DEGS2: variants seen among roughly 807,000 people sequenced by gnomAD.
DEGS2 encodes sphingolipid delta(4)-desaturase/C4-monooxygenase DES2.
Under a neutral mutation model 23.8 loss-of-function variants are expected in DEGS2, and 19 were observed. The ratio of observed to expected loss-of-function variants is 0.80; its 90% CI spans 0.56 to 1.17. The LOEUF (loss-of-function observed/expected upper bound fraction) is 1.17. Among genes scored for constraint, DEGS2 ranks in the 50% most tolerant of loss-of-function variants. The probability of loss-of-function intolerance (pLI) is 0.00; values close to 1 mark genes in which losing one functional copy is unlikely to be tolerated. For missense variants in DEGS2, 390 were observed against 459.5 expected (o/e 0.85, Z 1.38); for synonymous variants, 218 against 213.7 (o/e 1.02, Z -0.18).
chr14:100,151,962 G>A lies in DEGS2; in HGVS notation c.83-2252C>T, dbSNP rs554863260. On this transcript the variant is annotated intron_variant, in intron 1 of 2. Transcript: ENST00000305631. ...GGAACACTCGGGACCACGCCATGCA[G>A]ACTGGATGTGCAGGAGAGGGTCGTG... Among the ~76,000 whole-genome samples, 179 of 152,306 alleles carry A rather than the reference G, an allele frequency of 1.2e-3. 4 individuals are homozygous for A. Among genetic ancestry groups the A allele is most frequent in the Non-Finnish European group, 2.5e-4 (17 of 68,026 alleles).
Position 100,149,226 on chromosome 14 carries a change from G to A in DEGS2, c.567C>T (p.Asn189=). Residue 189 remains asparagine (N), a synonymous_variant, in exon 2 of 3, where the codon AAC becomes AAT. Transcript: ENST00000305631. ...GGTCGGCCGCCAGCTGCACCAGCGT[G>A]TTGAGCACCTCCATGCGGGTCACGG... is the stretch of plus-strand genomic sequence containing the variant. The part of the protein sequence containing the change: ...PKAVTRMEVL[N]TLVQLAADLA... 1.2e-6 allele frequency: 2 copies of A among 1,612,716 alleles called. No homozygotes were observed. Among genetic ancestry groups the A allele is most frequent in the Non-Finnish European group, 1.7e-6 (2 of 1,179,852 alleles).
At chr14:100,150,822 C>T (rs1889558138) in intron 1 of DEGS2, among the ~76,000 whole-genome samples, 1 of 151,744 alleles carries the variant, frequency 6.6e-6, no homozygotes, top group African/African-American at 2.4e-5. Context: ...CACTGTGGAC[C>T]ACTGGAGAGA....
Position 100,149,244 on chromosome 14 carries a change from G to A in DEGS2, c.549C>T (p.Thr183=). 1 of 1,612,878 alleles carries A rather than the reference G, an allele frequency of 6.2e-7. No homozygotes were observed. The highest frequency in any genetic ancestry group is 8.5e-7 in the Non-Finnish European group (1 of 1,179,918). The stretch of plus-strand genomic sequence containing the variant: ...CCAGCGTGTTGAGCACCTCCATGCG[G>A]GTCACGGCCTTGGGGTGGACGCAGA... ...RPLCVHPKAV[T]RMEVLNTLVQ... Residue 183 remains threonine, a synonymous_variant, in exon 2 of 3, where the codon ACC becomes ACT. Coordinates refer to ENST00000305631, the MANE Select transcript of DEGS2 (RefSeq NM_206918.3).
chr14:100,152,370 A>G (rs1336964768), intron 1 of DEGS2, among the ~76,000 whole-genome samples: 1 of 152,018 alleles, frequency 6.6e-6, no homozygotes, highest in African/African-American at 2.4e-5. Flanking sequence ...GGACTCAGGA[A>G]CTCCTCGAGA....
At chr14:100,147,176 C>G (rs11160572) in intron 2 of DEGS2, among the ~76,000 whole-genome samples, 152,341 of 152,344 alleles carry the variant, frequency 1, 76,169 homozygotes, top group Middle Eastern at 1. Flanking sequence ...TGCCTGGAAG[C>G]GTGGCGCTGG....
the DEGS2 span, among the ~76,000 whole-genome samples, chr14:100,166,499 C>A: frequency 3.3e-5 from 5 of 152,110 alleles, 1 homozygote; most frequent in South Asian, 1.0e-3. Context: ...AAGAACAGAG[C>A]ACTCTATCCC....
chr14:100,149,850 G>T (rs1353920259), intron 1 of DEGS2, 140 bp from the exon 2 acceptor site: 2 of 905,240 alleles, frequency 2.2e-6, no homozygotes. Context: ...CCTGCACACA[G>T]GCCCTGTCCC....
At chr14:100,161,953 G>A (rs1024476038), upstream of DEGS2, among the ~76,000 whole-genome samples, 2 of 115,696 alleles carry the variant, frequency 1.7e-5, no homozygotes, top group Non-Finnish European at 3.4e-5. Context: ...ACCTGTAATC[G>A]AGGCAGGAGA....
At chr14:100,150,055 G>A (rs528697258) in intron 1 of DEGS2, among the ~76,000 whole-genome samples, 73 of 152,338 alleles carry the variant, frequency 4.8e-4, no homozygotes, top group Middle Eastern at 3.4e-3. Flanking sequence ...CCTTGATGCC[G>A]TCTGTGTACT....
At chr14:100,149,833 CT>C in intron 1 of DEGS2, 123 bp from the exon 2 acceptor site, 3 of 1,036,498 alleles carry the variant, frequency 2.9e-6, no homozygotes, top group Non-Finnish European at 4.2e-6. Flanking sequence ...TCGCTGGTCC[CT>C]TTGCCCCTGC....
At chr14:100,161,048 A>C (rs1360254036), upstream of DEGS2, among the ~76,000 whole-genome samples, 1 of 152,236 alleles carries the variant, frequency 6.6e-6, no homozygotes, top group African/African-American at 2.4e-5. Flanking sequence ...TTTACAGATC[A>C]GGAGACTGAG....
At chr14:100,164,989 A>G in the DEGS2 span, among the ~76,000 whole-genome samples, 1 of 152,196 alleles carries the variant, frequency 6.6e-6, no homozygotes, top group East Asian at 1.9e-4. Context: ...GGGTGGTAAT[A>G]AAAAATGAAT....
rs1480786741 is a variant in DEGS2, at chr14:100,152,271, G to T, written c.83-2561C>A. On this transcript the variant is annotated intron_variant, in intron 1 of 2. Coordinates refer to ENST00000305631, the MANE Select transcript of DEGS2 (RefSeq NM_206918.3). ...GGATGGGAAGGAGATGCCAGGGTGG[G>T]CGTCATGGAGATGCCAGGGTGGGCG... Among the ~76,000 whole-genome samples, 5 of 149,764 alleles carry T rather than the reference G, an allele frequency of 3.3e-5. No homozygotes were observed. The East Asian group carries it at 9.6e-4, about 29-fold the overall frequency.
rs1480359494 is a variant in DEGS2 at position 100,149,298 on chromosome 14, C to T, written c.495G>A (p.Leu165=). Residue 165 remains leucine, a synonymous_variant, in exon 2 of 3, where the codon CTG becomes CTA. Transcript: ENST00000305631. ...TPARKLLWLV[L]QPFFYSLRPL... The stretch of plus-strand genomic sequence containing the variant: ...GCCGTAGTGAGTAGAAGAAGGGCTG[C>T]AGCACCAGCCAGAGCAGCTTGCGGG... 1.2e-6 allele frequency: 2 copies of T among 1,612,632 alleles called. No homozygotes were observed. Among genetic ancestry groups the T allele is most frequent in the Non-Finnish European group, 1.7e-6 (2 of 1,179,812 alleles).
chr14:100,150,410 T>A (rs1595276196), intron 1 of DEGS2, among the ~76,000 whole-genome samples: 1 of 50,944 alleles, frequency 2.0e-5, no homozygotes, highest in Non-Finnish European at 4.2e-5. Context: ...CCGCCCCCAT[T>A]CCACAGGCAA....
chr14:100,153,494 A>G (rs1285521624), intron 1 of DEGS2, among the ~76,000 whole-genome samples: 4 of 152,186 alleles, frequency 2.6e-5, no homozygotes, highest in Non-Finnish European at 5.9e-5. Context: ...GGGAAAGCCC[A>G]AGGCAGAGAA....
Position 100,146,884 on chromosome 14 carries a change from G to C in DEGS2, c.849C>G (p.Tyr283Ter), listed in dbSNP as rs1889455395. 6.2e-7 allele frequency: 1 copy of C among 1,613,310 alleles called. No homozygotes were observed. Among genetic ancestry groups the C allele is most frequent in the Admixed American group, 1.7e-5 (1 of 59,972 alleles). Reference protein sequence around the residue: ...LPLVRKIAPEYYDHLPQHHSW... With the variant: ...LPLVRKIAPE ...AGTGGTGCTGCGGCAGGTGGTCGTA[G>C]TACTCGGGCGCGATCTTCCGCACCT... Residue 283 changes from tyrosine to a stop codon, truncating the protein, a stop_gained, in exon 3 of 3, where the codon TAC (tyrosine) becomes TAG (stop). Transcript: ENST00000305631. LOFTEE classifies it low-confidence loss of function (END_TRUNC).
chr14:100,164,608 G>T (rs536557816), upstream of DEGS2, among the ~76,000 whole-genome samples: 1 of 152,286 alleles, frequency 6.6e-6, no homozygotes, highest in African/African-American at 2.4e-5. Context: ...CTGCACTCCA[G>T]CCTGGGCAAC....
upstream of DEGS2, among the ~76,000 whole-genome samples, chr14:100,163,902 G>T (rs1013209397): frequency 1.3e-5 from 2 of 151,508 alleles, no homozygotes; most frequent in Non-Finnish European, 2.9e-5. Context: ...TTCTTTTGGG[G>T]TTTTTTTTGC....
Sources: allele counts gnomAD v4.1 joint callset (sites outside exome capture counted in the v4.1 genomes callset), GRCh38; gene constraint gnomAD v4.1.1; transcripts MANE v1.5; gene names NCBI Gene and HGNC (gene_info 2026-07-23, HGNC 2026-07-21).